ATXN3: variants seen among roughly 807,000 people sequenced by gnomAD.
ATXN3 encodes the protein ataxin-3.
A neutral mutation model predicts 58.2 loss-of-function variants in ATXN3; 28 were observed. The observed-to-expected ratio is 0.48, with a 90% CI of 0.36 to 0.66. ATXN3 has a LOEUF of 0.66. ATXN3 is among the 30% of genes least tolerant of loss of function. The pLI, the probability that ATXN3 is intolerant of heterozygous loss-of-function variation, is 0.00. For synonymous variants in ATXN3, 113 were observed against 138.5 expected, an observed-to-expected ratio of 0.82 and a Z score of 1.29; for missense variants, 321 against 422.1, an observed-to-expected ratio of 0.76 and a Z score of 2.10.
chr14:92,093,032 T>TG (rs2064222105), intron 5 of ATXN3, among the ~76,000 whole-genome samples: 2 of 143,952 alleles, frequency 1.4e-5, no homozygotes, highest in African/African-American at 2.6e-5. Flanking sequence ...CCTGGCTCTT[T>TG]GTTTTTTTTT....
At chr14:92,057,440 G>A (rs1367901266), downstream of ATXN3, among the ~76,000 whole-genome samples, 3 of 148,970 alleles carry the variant, frequency 2.0e-5, no homozygotes, top group East Asian at 2.1e-4. Flanking sequence ...GGGGGGAGGG[G>A]GCGCGGGGGT....
chr14:92,105,471 C>T (rs765965653), intron 1 of ATXN3, among the ~76,000 whole-genome samples: 62 of 152,084 alleles, frequency 4.1e-4, no homozygotes, highest in Non-Finnish European at 7.4e-4. Context: ...TAAATGTATT[C>T]TTTTGTCTTT....
Position 92,088,064 on chromosome 14 carries a change from T to C in ATXN3, c.475+666A>G, listed in dbSNP as rs2062983102. ...TAATCTAGGGGCATGTATTTCTTTT[T>C]TTTTTCTTTTCTTTTTTTTTTTGAG... On this transcript the variant is annotated intron_variant, in intron 6 of 10. Transcript: ENST00000644486. 2.0e-5 allele frequency among the ~76,000 whole-genome samples: 3 copies of C among 152,184 alleles called. No homozygotes were observed. The South Asian group carries it at 6.2e-4, about 32-fold the overall frequency.
chr14:92,093,612 G>C (rs2141060882), intron 4 of ATXN3, 134 bp downstream of exon 4: 1 of 746,638 alleles, frequency 1.3e-6, no homozygotes, highest in East Asian at 2.7e-5. Flanking sequence ...AGGTGAAATA[G>C]GAAAGTCTGA....
At chr14:92,084,610 T>C (rs1432340183) in intron 6 of ATXN3, among the ~76,000 whole-genome samples, 2 of 151,540 alleles carry the variant, frequency 1.3e-5, no homozygotes, top group Non-Finnish European at 1.5e-5. Flanking sequence ...GGAGTCTCAC[T>C]CTGTCACCCA....
chr14:92,088,922 T>A lies in ATXN3; in HGVS notation c.388-105A>T. On this transcript the variant is annotated intron_variant, in intron 5 of 10. Transcript: ENST00000644486. ...CCCATCAAAGCTTAGTAAGATTGTT[T>A]AAACTCTGGAAATATTTCAAGTTGA... 3.0e-6 allele frequency: 2 copies of A among 671,328 alleles called. 1 individual carries two copies. Among genetic ancestry groups the A allele is most frequent in the South Asian group, 3.8e-5 (2 of 52,082 alleles). The allele number at this position is 671,328 out of a possible 1,614,324, so 41.6% of individuals were successfully genotyped here. A position where few individuals can be genotyped will look rare whatever the true frequency, so the allele number is the denominator to read the frequency against.
In ATXN3 at chr14:92,062,347, G is replaced by T. The variant is rs918968835; in HGVS notation, c.*1973C>A. ...TAAGTGCTTTAACTAGGGTATATAT[G>T]AACTTTATAAACTCTAAAGTTAAAA... is the stretch of plus-strand genomic sequence containing the variant. On this transcript the variant is annotated 3_prime_UTR_variant, in exon 11 of 11. Coordinates refer to ENST00000644486, the MANE Select transcript of ATXN3 (RefSeq NM_004993.6). The T allele has an allele frequency of 6.6e-6, 1 of 152,108 alleles. No individual in the cohort carries two copies. Among genetic ancestry groups the T allele is most frequent in the Non-Finnish European group, 1.5e-5 (1 of 68,006 alleles). The allele number at this position is 152,108 out of a possible 1,614,324, so 9.4% of individuals were successfully genotyped here.
chr14:92,059,819 GA>G lies in ATXN3; in HGVS notation c.*4500del, dbSNP rs779811232. The G allele has an allele frequency of 7.5e-4, 76 of 100,876 alleles. No homozygotes were observed. The highest frequency in any genetic ancestry group is 7.4e-4 in the Non-Finnish European group (37 of 49,718). The allele number at this position is 100,876 out of a possible 1,614,324, so 6.2% of individuals were successfully genotyped here. On this transcript the variant is annotated 3_prime_UTR_variant, in exon 11 of 11. Coordinates refer to ENST00000644486, the MANE Select transcript of ATXN3 (RefSeq NM_004993.6). ...GGCAGCAGAGCTAGACTCCGTCTCA[GA>G]AAAAAAAAAAAAGAAAGAAAGAAAG...
At chr14:92,089,262 G>A (rs899004768) in intron 5 of ATXN3, among the ~76,000 whole-genome samples, 7 of 146,824 alleles carry the variant, frequency 4.8e-5, no homozygotes, top group Admixed American at 1.4e-4. Context: ...CAAATGATCC[G>A]CCCGCCTCAG....
At chr14:92,057,430 G>A (rs957904547), downstream of ATXN3, among the ~76,000 whole-genome samples, 16 of 139,928 alleles carry the variant, frequency 1.1e-4, no homozygotes, top group South Asian at 2.4e-4. Context: ...ACAACAAAGC[G>A]GGGGGAGGGG....
At chr14:92,079,349 C>T in intron 9 of ATXN3, 1 of 696,748 alleles carries the variant, frequency 1.4e-6, no homozygotes, top group Non-Finnish European at 1.8e-6. Context: ...CTAATAAGCA[C>T]TACTTTGAAA....
intron 9 of ATXN3, 82 bp downstream of exon 9, chr14:92,080,883 C>T: frequency 9.3e-7 from 1 of 1,075,498 alleles, no homozygotes; most frequent in Non-Finnish European, 1.4e-6. Context: ...TCACAGGATT[C>T]AGGCAGTAAC....
chr14:92,051,844 T>C (rs762183260), upstream of ATXN3, among the ~76,000 whole-genome samples: 31 of 149,300 alleles, frequency 2.1e-4, no homozygotes, highest in Non-Finnish European at 2.8e-4. Flanking sequence ...TCTCCTGCCT[T>C]AGCCTCCTTA....
At chr14:92,104,621 T>C (rs957813393) in intron 1 of ATXN3, among the ~76,000 whole-genome samples, 14 of 152,114 alleles carry the variant, frequency 9.2e-5, no homozygotes, top group African/African-American at 3.4e-4. Context: ...ACCAAAGCCT[T>C]TGAAAATTAA....
chr14:92,088,570 T>C (rs2063096090), intron 6 of ATXN3, among the ~76,000 whole-genome samples, 160 bp downstream of exon 6: 1 of 152,220 alleles, frequency 6.6e-6, no homozygotes, highest in Admixed American at 6.5e-5. Context: ...GAACTCTAAC[T>C]GAACAGCGTC....
At chr14:92,085,608 T>C (rs1038031548) in intron 6 of ATXN3, among the ~76,000 whole-genome samples, 1 of 152,122 alleles carries the variant, frequency 6.6e-6, no homozygotes, top group African/African-American at 2.4e-5. Flanking sequence ...GTCGGTATAA[T>C]ATATAGGAAC....
In ATXN3 at chr14:92,061,187, T is replaced by G. The variant is rs894112158; in HGVS notation, c.*3133A>C. 2 of 152,030 alleles carry G rather than the reference T, an allele frequency of 1.3e-5. No homozygotes were observed. The highest frequency in any genetic ancestry group is 2.4e-5 in the African/African-American group (1 of 41,378). 9.4% of individuals were successfully genotyped at this position (152,030 alleles called of 1,614,324 possible). A position where few individuals can be genotyped will look rare whatever the true frequency, so the allele number is the denominator to read the frequency against. On this transcript the variant is annotated 3_prime_UTR_variant, in exon 11 of 11. Transcript: ENST00000644486. ...GCAATGATACTCAACTGGTTTTGAG[T>G]TTTTTTCCTCATTTACTTTGGCATC...
chr14:92,074,666 A>G (rs1304303891), intron 9 of ATXN3, among the ~76,000 whole-genome samples: 1 of 152,228 alleles, frequency 6.6e-6, no homozygotes, highest in Non-Finnish European at 1.5e-5. Flanking sequence ...AAGATTATGT[A>G]AACCCCTAAT....
chr14:92,077,965 A>G (rs917280713), intron 9 of ATXN3, among the ~76,000 whole-genome samples: 3 of 147,400 alleles, frequency 2.0e-5, no homozygotes, highest in East Asian at 2.0e-4. Context: ...TTTAATTTCT[A>G]TATTTCTTTT....
Sources: gnomAD v4.1 joint callset for allele counts (sites outside exome capture counted in the v4.1 genomes callset) on GRCh38, gnomAD v4.1.1 for gene constraint, MANE v1.5 for transcripts, NCBI Gene and HGNC (gene_info 2026-07-23, HGNC 2026-07-21) for gene names.